The following RFPL4A variants were observed in gnomAD, a reference collection of about 807,000 sequenced individuals.
RFPL4A encodes ret finger protein-like 4A.
In RFPL4A, 4 loss-of-function variants were observed where a neutral mutation model predicts 8.3. That is an observed-to-expected ratio of 0.48 (90% CI 0.24 to 1.10). The LOEUF (loss-of-function observed/expected upper bound fraction) is 1.10. Among genes scored for constraint, RFPL4A ranks in the 50% least tolerant of loss-of-function variants. The pLI is 0.18. For synonymous variants in RFPL4A, 43 were observed against 136.6 expected, an observed-to-expected ratio of 0.31 and a Z score of 4.78; for missense variants, 111 against 358.7, an observed-to-expected ratio of 0.31 and a Z score of 5.58.
At chr19:55,757,433 C>A (rs545194345), upstream of RFPL4A, among the ~76,000 whole-genome samples, 1 of 151,940 alleles carries the variant, frequency 6.6e-6, no homozygotes, top group Admixed American at 6.6e-5. Flanking sequence ...CGGAAGCCAC[C>A]GAAGCCAACC....
At chr19:55,760,634 G>C (rs1989262193) in intron 1 of RFPL4A, among the ~76,000 whole-genome samples, 1 of 151,566 alleles carries the variant, frequency 6.6e-6, no homozygotes, top group African/African-American at 2.4e-5. Flanking sequence ...GTGTGATTTA[G>C]TGTGATAATG....
chr19:55,761,731 A>G, intron 1 of RFPL4A, 61 bp from the exon 2 acceptor site: 1 of 1,450,924 alleles, frequency 6.9e-7, no homozygotes, highest in Non-Finnish European at 9.4e-7. Flanking sequence ...AGCCCCAAAC[A>G]CTATCAGCTG....
At chr19:55,760,792 A>T (rs80305478) in intron 1 of RFPL4A, among the ~76,000 whole-genome samples, 16 of 151,510 alleles carry the variant, frequency 1.1e-4, no homozygotes, top group Admixed American at 2.0e-4. Context: ...CTATGTGAAA[A>T]TGTCACTGGA....
In RFPL4A at chr19:55,762,827, G is replaced by C. The variant is rs2260827; in HGVS notation, c.516G>C (p.Val172=). The C allele has an allele frequency of 0.36, 429,184 of 1,195,570 alleles. 72,274 individuals carry two copies. The highest frequency in any genetic ancestry group is 0.41 in the South Asian group (28,239 of 69,344). The allele number at this position is 1,195,570 out of a possible 1,614,324, so 74.1% of individuals were successfully genotyped here. ...VWDVGVCKES[V]NRQGKIVLSS... ...ATGTGGGCGTGTGCAAGGAATCTGT[G>C]AACCGACAGGGGAAGATTGTGCTTT... Residue 172 remains valine, a synonymous_variant, in exon 3 of 3, where the codon GTG becomes GTC. Transcript: ENST00000434937.
chr19:55,763,143 G>T lies in RFPL4A; in HGVS notation c.832G>T (p.Ala278Ser). 1 of 1,532,346 alleles carries T rather than the reference G, an allele frequency of 6.5e-7. No homozygotes were observed. Among genetic ancestry groups the T allele is most frequent in the Non-Finnish European group, 8.7e-7 (1 of 1,143,064 alleles). The allele number at this position is 1,532,346 out of a possible 1,614,324, so 94.9% of individuals were successfully genotyped here. A position where few individuals can be genotyped will look rare whatever the true frequency, so the allele number is the denominator to read the frequency against. Residue 278 changes from alanine to serine, a missense_variant, in exon 3 of 3, where the codon GCC becomes TCC. Physicochemically the swap from Ala to Ser is moderately conservative, Grantham distance 99. Coordinates refer to ENST00000434937, the MANE Select transcript of RFPL4A (RefSeq NM_001145014.2). The stretch of plus-strand genomic sequence containing the variant: ...CTGTTCTGTGATCAATCCATCCGCT[G>T]CCAGTGCCCCAGTTTCTTCTGAGGG... ...SICSVINPSA[A>S]SAPVSSEGK
rs1989293428 is a variant in RFPL4A at position 55,761,954 on chromosome 19, T to C, written c.154T>C (p.Cys52Arg). The C allele has an allele frequency of 6.6e-7, 1 of 1,515,852 alleles. No individual in the cohort carries two copies. Among genetic ancestry groups the C allele is most frequent in the Non-Finnish European group, 8.9e-7 (1 of 1,120,126 alleles). The allele number at this position is 1,515,852 out of a possible 1,614,324, so 93.9% of individuals were successfully genotyped here. A position where few individuals can be genotyped will look rare whatever the true frequency, so the allele number is the denominator to read the frequency against. ...PDGEGLLCRF[C>R]SVVSQKDDIK... ...TGGGGAAGGTTTACTGTGCCGTTTCTGCTCTGTGGTCTCTCAGAAGGATGA... is the reference window on the plus strand; with the variant it reads ...TGGGGAAGGTTTACTGTGCCGTTTCCGCTCTGTGGTCTCTCAGAAGGATGA... The change falls in exon 2 of 3, where the codon TGC becomes CGC. Residue 52 changes from cysteine (C) to arginine (R), a missense_variant. Coordinates refer to ENST00000434937, the MANE Select transcript of RFPL4A (RefSeq NM_001145014.2).
intron 1 of RFPL4A, among the ~76,000 whole-genome samples, chr19:55,761,243 G>C (rs942351462): frequency 7.2e-6 from 1 of 139,490 alleles, no homozygotes; most frequent in African/African-American, 2.6e-5. Flanking sequence ...CTCCAGCACT[G>C]TCCAATAGAA....
At chr19:55,759,562 GT>G (rs1439265992) in intron 1 of RFPL4A, among the ~76,000 whole-genome samples, 1 of 150,188 alleles carries the variant, frequency 6.7e-6, no homozygotes, top group Non-Finnish European at 1.5e-5. Flanking sequence ...TTTTTGTTCA[GT>G]TTTTTGTTCC....
At chr19:55,757,711 G>A (rs1202985456), upstream of RFPL4A, among the ~76,000 whole-genome samples, 2 of 152,168 alleles carry the variant, frequency 1.3e-5, no homozygotes, top group South Asian at 2.1e-4. Context: ...ATCCTAAGAC[G>A]CTATTCTCTA....
intron 1 of RFPL4A, 109 bp downstream of exon 1, chr19:55,759,284 GAC>G (rs2122387981): frequency 6.6e-6 from 1 of 152,256 alleles, no homozygotes; most frequent in South Asian, 2.1e-4. Flanking sequence ...GGCCATGACA[GAC>G]ACACTGTATT....
rs555692637 is a variant in RFPL4A, at chr19:55,760,916, G to C, written c.-9-876G>C. On this transcript the variant is annotated intron_variant, in intron 1 of 2. Transcript: ENST00000434937. ...CTCAGTACTTGCTGGTCGTTGGTGT[G>C]TGCTTTTCAGAGAAATATCTATTCA... Among the ~76,000 whole-genome samples, 9 of 151,206 alleles carry C rather than the reference G, an allele frequency of 6.0e-5. No individual in the cohort carries two copies. The East Asian group carries it at 1.4e-3, about 23-fold the overall frequency.
At chr19:55,758,068 G>A (rs1989206612), upstream of RFPL4A, among the ~76,000 whole-genome samples, 1 of 152,228 alleles carries the variant, frequency 6.6e-6, no homozygotes, top group Non-Finnish European at 1.5e-5. Flanking sequence ...TTTTCTCCCT[G>A]CATGCATATG....
chr19:55,760,142 C>CA (rs1423300498), intron 1 of RFPL4A, among the ~76,000 whole-genome samples: 1,870 of 151,616 alleles, frequency 0.012, 65 homozygotes, highest in African/African-American at 0.043. Context: ...GTGGTTGTAC[C>CA]ATTTTCTTTC....
At chr19:55,760,525 A>C (rs1263646974) in intron 1 of RFPL4A, among the ~76,000 whole-genome samples, 1 of 151,610 alleles carries the variant, frequency 6.6e-6, no homozygotes, top group Non-Finnish European at 1.5e-5. Context: ...ACTAATCATT[A>C]GGTTTTCTAG....
At chr19:55,757,417 G>A (rs945754153), upstream of RFPL4A, among the ~76,000 whole-genome samples, 3 of 152,082 alleles carry the variant, frequency 2.0e-5, no homozygotes, top group African/African-American at 7.2e-5. Flanking sequence ...AACAGGGCCT[G>A]GGGATCGGAA....
At position 55,760,381 on chromosome 19, in the gene RFPL4A, G is replaced by C. The variant is rs1017768025; in HGVS notation, c.-10+1206G>C. 8.6e-5 allele frequency among the ~76,000 whole-genome samples: 13 copies of C among 151,566 alleles called. 1 individual carries two copies. The highest frequency in any genetic ancestry group is 3.2e-4 in the African/African-American group (13 of 41,158). ...ATTCAGGGATGAGCCAGAATGAAGT[G>C]AAAGGCAAGAAGTTTTTATTCCAGA... On this transcript the variant is annotated intron_variant, in intron 1 of 2. Transcript: ENST00000434937.
chr19:55,759,280 G>C (rs1473276960), intron 1 of RFPL4A, 105 bp downstream of exon 1: 1 of 152,138 alleles, frequency 6.6e-6, no homozygotes, highest in East Asian at 1.9e-4. Context: ...CCAAGGCCAT[G>C]ACAGACACAC....
chr19:55,757,580 G>T (rs12463316), upstream of RFPL4A, among the ~76,000 whole-genome samples: 2 of 151,942 alleles, frequency 1.3e-5, no homozygotes, highest in African/African-American at 4.8e-5. Context: ...ATGAGAGTGG[G>T]CAAGGAAACT....
rs1442923774 is a variant in RFPL4A at position 55,763,200 on chromosome 19, T to C, written c.*25T>C. 4 of 1,519,724 alleles carry C rather than the reference T, an allele frequency of 2.6e-6. No homozygotes were observed. In the East Asian group the frequency reaches 7.4e-5, roughly 28 times the overall value. 94.1% of individuals were successfully genotyped at this position (1,519,724 alleles called of 1,614,324 possible). On this transcript the variant is annotated 3_prime_UTR_variant, in exon 3 of 3. Coordinates refer to ENST00000434937, the MANE Select transcript of RFPL4A (RefSeq NM_001145014.2). ...AATAAACATTTGAACATAATCATCT[T>C]TAGGAAGTTTCAGTGCTCCCATAGC...
Sources: gnomAD v4.1 joint callset for allele counts (sites outside exome capture counted in the v4.1 genomes callset) on GRCh38, gnomAD v4.1.1 for gene constraint, MANE v1.5 for transcripts, NCBI Gene and HGNC (gene_info 2026-07-23, HGNC 2026-07-21) for gene names.